The following PPARA variants were observed in gnomAD, a reference collection of about 807,000 sequenced individuals.
PPARA encodes peroxisome proliferator-activated receptor alpha.
PPARA carries 22 observed loss-of-function variants against 42.2 expected under a neutral mutation model. The observed-to-expected ratio is 0.52, with a 90% CI of 0.37 to 0.74. PPARA has a LOEUF of 0.74. PPARA is among the 30% of genes least tolerant of loss of function. PPARA has a pLI of 0.00. For synonymous variants in PPARA, 242 were observed against 239.3 expected (o/e 1.01, Z -0.10); for missense variants, 465 against 608.2 (o/e 0.76, Z 2.48).
Position 46,235,690 on chromosome 22 carries a change from C to A in PPARA, c.*310C>A. 2.6e-6 allele frequency: 1 copy of A among 379,862 alleles called. No homozygotes were observed. Among genetic ancestry groups the A allele is most frequent in the Non-Finnish European group, 5.0e-6 (1 of 201,820 alleles). The allele number at this position is 379,862 out of a possible 1,614,324, so 23.5% of individuals were successfully genotyped here. On this transcript the variant is annotated 3_prime_UTR_variant, in exon 9 of 9. Transcript: ENST00000407236. The surrounding 1 kb of genome is among the most constrained non-coding windows in gnomAD (Gnocchi z 7.0). Reference sequence around the variant, plus strand: ...AATGCACATTGCTTTAGATCACATTCGTGATTTACCATTTAATTAACTGGT... The same window carrying A: ...AATGCACATTGCTTTAGATCACATTAGTGATTTACCATTTAATTAACTGGT...
At position 46,218,370 on chromosome 22, in the gene PPARA, C is replaced by T. The variant is rs748330466; in HGVS notation, c.477C>T (p.His159=). The T allele has an allele frequency of 1.9e-6, 3 of 1,614,140 alleles. No homozygotes were observed. Among genetic ancestry groups the T allele is most frequent in the East Asian group, 2.2e-5 (1 of 44,876 alleles). Residue 159 remains histidine (H), a synonymous_variant, in exon 6 of 9, where the codon CAC becomes CAT. Transcript: ENST00000407236. ...NRNKCQYCRF[H]KCLSVGMSHN... is the part of the protein sequence containing the mutation. ...ACAAATGCCAGTATTGTCGATTTCA[C>T]AAGTGCCTTTCTGTCGGGATGTCAC...
rs1490265657 is a variant in PPARA at position 46,193,894 on chromosome 22, C to G, written c.-42-4448C>G. 1.3e-5 allele frequency among the ~76,000 whole-genome samples: 2 copies of G among 152,132 alleles called. No individual in the cohort carries two copies. The highest frequency in any genetic ancestry group is 1.9e-4 in the East Asian group (1 of 5,192). ...AAGGGATGGTTGGTTATGCCTTGAT[C>G]CCCCCCAGAGCATTTGGGGCATAGG... On this transcript the variant is annotated intron_variant, in intron 3 of 8. Coordinates refer to ENST00000407236, the MANE Select transcript of PPARA (RefSeq NM_005036.6). The surrounding 1 kb of genome is among the most constrained non-coding windows in gnomAD (Gnocchi z 5.3).
rs1249335992 is a variant in PPARA, at chr22:46,231,711, G to A, written c.712-81G>A. The A allele has an allele frequency of 2.8e-6, 4 of 1,411,402 alleles. No individual in the cohort carries two copies. The highest frequency in any genetic ancestry group is 1.4e-5 in the African/African-American group (1 of 70,582). 87.4% of individuals were successfully genotyped at this position (1,411,402 alleles called of 1,614,324 possible). ...ACTGAGCTTGGTGATTTGGACGCAG[G>A]AGCTGCTCATTAGTGAGCTGATAGC... is the stretch of plus-strand genomic sequence containing the variant. On this transcript the variant is annotated intron_variant, in intron 7 of 8. Coordinates refer to ENST00000407236, the MANE Select transcript of PPARA (RefSeq NM_005036.6). The surrounding 1 kb of genome is among the most constrained non-coding windows in gnomAD (Gnocchi z 7.7).
In PPARA at chr22:46,202,195, T is replaced by C. The variant is rs114531124; in HGVS notation, c.208+3604T>C. Reference sequence around the variant, plus strand: ...AGCTTAAACACAGGACCCCTTATTCTGTGCTCTCTCCTGACCCCTGGTCCT... The same window carrying C: ...AGCTTAAACACAGGACCCCTTATTCCGTGCTCTCTCCTGACCCCTGGTCCT... On this transcript the variant is annotated intron_variant, in intron 4 of 8. Transcript: ENST00000407236. Among the ~76,000 whole-genome samples the C allele has an allele frequency of 2.4e-3, 367 of 152,310 alleles. 5 individuals carry two copies. The highest frequency in any genetic ancestry group is 8.4e-3 in the African/African-American group (351 of 41,568).
rs762858613 is a variant in PPARA, at chr22:46,167,652, A to G, written c.-126-9101A>G. 6.6e-5 allele frequency among the ~76,000 whole-genome samples: 10 copies of G among 151,842 alleles called. No individual in the cohort carries two copies. Among genetic ancestry groups the G allele is most frequent in the Non-Finnish European group, 1.2e-4 (8 of 67,946 alleles). ...CTGGGTGACAGAGAGACCGTGTGTT[A>G]AAAAAAGAGTTAAAACTATAAAACC... On this transcript the variant is annotated intron_variant, in intron 2 of 8. Transcript: ENST00000407236. This position sits in a 1 kb window ranked among gnomAD's most constrained non-coding sequence, Gnocchi z 4.1.
intron 3 of PPARA, among the ~76,000 whole-genome samples, chr22:46,178,764 G>A (rs897814039): frequency 6.6e-6 from 1 of 152,200 alleles, no homozygotes; most frequent in Non-Finnish European, 1.5e-5. Context: ...GCCAGGAACA[G>A]TGCAGGGATG....
rs543252312 is a variant in PPARA at position 46,156,499 on chromosome 22, A to ACTCC, written c.-127+4530_-127+4531insTCCC. ...ATTTTTCAAAGGCTTTCAGAAAGCA[A>ACTCC]CATGCTACCGTACCCCTTATACACC... On this transcript the variant is annotated intron_variant, in intron 2 of 8. Coordinates refer to ENST00000407236, the MANE Select transcript of PPARA (RefSeq NM_005036.6). This position sits in a 1 kb window ranked among gnomAD's most constrained non-coding sequence, Gnocchi z 5.2. 91 of 152,366 alleles carry ACTCC rather than the reference A, an allele frequency of 6.0e-4. No homozygotes were observed. The highest frequency in any genetic ancestry group is 4.8e-3 in the Admixed American group (73 of 15,298). 9.4% of individuals were successfully genotyped at this position (152,366 alleles called of 1,614,324 possible).
In PPARA at chr22:46,235,156, G is replaced by A; in HGVS notation, c.1183G>A (p.Gly395Arg). Reference sequence around the variant, plus strand: ...AGATCGTCCTGGCCTTCTAAACGTAGGACACATTGAAAAAATGCAGGAGGG... The same window carrying A: ...AGATCGTCCTGGCCTTCTAAACGTAAGACACATTGAAAAAATGCAGGAGGG... ...CGDRPGLLNV[G>R]HIEKMQEGIV... The change falls in exon 9 of 9, where the codon GGA becomes AGA. Residue 395 changes from glycine (G) to arginine (R), a missense_variant. Gly to Arg is a moderately radical substitution (Grantham distance 125, BLOSUM62 -2). Transcript: ENST00000407236. The surrounding 1 kb of genome is among the most constrained non-coding windows in gnomAD (Gnocchi z 7.0). 3 of 1,613,938 alleles carry A rather than the reference G, an allele frequency of 1.9e-6. No homozygotes were observed. Among genetic ancestry groups the A allele is most frequent in the Non-Finnish European group, 2.5e-6 (3 of 1,179,908 alleles).
intron 3 of PPARA, among the ~76,000 whole-genome samples, chr22:46,179,673 G>C (rs1336261070): frequency 6.6e-6 from 1 of 151,418 alleles, no homozygotes; most frequent in Non-Finnish European, 1.5e-5. Flanking sequence ...TCATAGATAT[G>C]ACACCGAGAA....
rs147010249 is a variant in PPARA, at chr22:46,215,279, C to T, written c.315C>T (p.Cys105=). The stretch of plus-strand genomic sequence containing the variant: ...CATTGAACATCGAATGTAGAATCTG[C>T]GGGGACAAGGCCTCAGGCTATCATT... ...SGALNIECRI[C]GDKASGYHYG... Residue 105 remains cysteine (C), a synonymous_variant, in exon 5 of 9, where the codon TGC becomes TGT. Transcript: ENST00000407236. The T allele has an allele frequency of 6.5e-5, 105 of 1,613,994 alleles. No homozygotes were observed. In the African/African-American group the frequency reaches 7.7e-4, roughly 12 times the overall value.
intron 4 of PPARA, among the ~76,000 whole-genome samples, chr22:46,213,755 A>AT (rs1016009067): frequency 2.6e-5 from 4 of 151,882 alleles, no homozygotes; most frequent in East Asian, 3.9e-4. Flanking sequence ...CGCCCGGCTA[A>AT]TTTTTTTGTG....
Position 46,218,342 on chromosome 22 carries a change from G to T in PPARA, c.449G>T (p.Arg150Ile). 6.2e-7 allele frequency: 1 copy of T among 1,614,140 alleles called. No homozygotes were observed. The highest frequency in any genetic ancestry group is 8.5e-7 in the Non-Finnish European group (1 of 1,180,030). ...AGCTGCAAGATCCAGAAAAAGAACA[G>T]AAACAAATGCCAGTATTGTCGATTT... ...DRSCKIQKKN[R>I]NKCQYCRFHK... Residue 150 changes from arginine to isoleucine, a missense_variant, in exon 6 of 9, where the codon AGA becomes ATA. By Grantham distance (97) the Arg-to-Ile change is moderately conservative (BLOSUM62 -3). Coordinates refer to ENST00000407236, the MANE Select transcript of PPARA (RefSeq NM_005036.6).
chr22:46,158,936 C>G (rs1011591780), intron 2 of PPARA, among the ~76,000 whole-genome samples: 3 of 152,090 alleles, frequency 2.0e-5, no homozygotes, highest in Non-Finnish European at 2.9e-5. Flanking sequence ...GCTGCCCAGG[C>G]TGGAGTGCAC....
chr22:46,172,705 A>G (rs56704162), intron 2 of PPARA, among the ~76,000 whole-genome samples: 2,584 of 152,302 alleles, frequency 0.017, 76 homozygotes, highest in African/African-American at 0.06. Flanking sequence ...TGCGGAGGTA[A>G]AAGACCGAGG....
At position 46,187,690 on chromosome 22, in the gene PPARA, C is replaced by T. The variant is rs941484694; in HGVS notation, c.-42-10652C>T. On this transcript the variant is annotated intron_variant, in intron 3 of 8. Coordinates refer to ENST00000407236, the MANE Select transcript of PPARA (RefSeq NM_005036.6). The surrounding 1 kb of genome is among the most constrained non-coding windows in gnomAD (Gnocchi z 4.9). ...TTAGGATGAAATCCAAACTCCTAAA[C>T]ATGGGGATTAACAATGTGCCATGAT... Among the ~76,000 whole-genome samples, 5 of 152,230 alleles carry T rather than the reference C, an allele frequency of 3.3e-5. No individual in the cohort carries two copies. Among genetic ancestry groups the T allele is most frequent in the African/African-American group, 1.2e-4 (5 of 41,458 alleles).
intron 4 of PPARA, among the ~76,000 whole-genome samples, chr22:46,201,033 G>A (rs2147409329): frequency 6.6e-6 from 1 of 151,746 alleles, no homozygotes; most frequent in African/African-American, 2.4e-5. Flanking sequence ...GGTCAACATG[G>A]TGAAACCCCA....
rs1310740501 is a variant in PPARA at position 46,203,291 on chromosome 22, G to A, written c.208+4700G>A. On this transcript the variant is annotated intron_variant, in intron 4 of 8. Transcript: ENST00000407236. The surrounding 1 kb of genome is among the most constrained non-coding windows in gnomAD (Gnocchi z 5.8). Reference sequence around the variant, plus strand: ...GTAATATTCCTAGTTATGTAGACTGGTCTCTCAGAAGAGCCGGATATTAAA... The same window carrying A: ...GTAATATTCCTAGTTATGTAGACTGATCTCTCAGAAGAGCCGGATATTAAA... 6.6e-6 allele frequency among the ~76,000 whole-genome samples: 1 copy of A among 152,122 alleles called. No individual in the cohort carries two copies. The highest frequency in any genetic ancestry group is 1.5e-5 in the Non-Finnish European group (1 of 68,030).
Position 46,165,622 on chromosome 22 carries a change from T to G in PPARA, c.-126-11131T>G, listed in dbSNP as rs909102215. ...ACTTTGGATTGGGACCCAAAAAAGC[T>G]CCATCCCAGGAGTACAGGTGACCTG... On this transcript the variant is annotated intron_variant, in intron 2 of 8. Coordinates refer to ENST00000407236, the MANE Select transcript of PPARA (RefSeq NM_005036.6). This position sits in a 1 kb window ranked among gnomAD's most constrained non-coding sequence, Gnocchi z 5.5. Among the ~76,000 whole-genome samples, 1 of 152,096 alleles carries G rather than the reference T, an allele frequency of 6.6e-6. No individual in the cohort carries two copies. The highest frequency in any genetic ancestry group is 1.5e-5 in the Non-Finnish European group (1 of 68,010).
intron 2 of PPARA, among the ~76,000 whole-genome samples, chr22:46,158,270 G>T (rs1363260567): frequency 6.6e-6 from 1 of 152,084 alleles, no homozygotes; most frequent in Non-Finnish European, 1.5e-5. Context: ...AGCCAGGCTT[G>T]GTATCAGGTG....
Sources: allele counts gnomAD v4.1 joint callset (sites outside exome capture counted in the v4.1 genomes callset), GRCh38; gene constraint gnomAD v4.1.1; non-coding constraint Gnocchi (gnomAD v3.1); transcripts MANE v1.5; gene names NCBI Gene and HGNC (gene_info 2026-07-23, HGNC 2026-07-21).